The following DOK7 variants were observed in gnomAD, a reference collection of about 807,000 sequenced individuals.
DOK7 encodes protein Dok-7.
In DOK7, 32 loss-of-function variants were observed where a neutral mutation model predicts 30.7. That is an observed-to-expected ratio of 1.04 (90% confidence interval 0.79 to 1.40). The LOEUF (loss-of-function observed/expected upper bound fraction) is 1.40, where lower values mean the gene tolerates loss of function less well. DOK7 is among the 40% of genes most tolerant of loss of function. The pLI is 0.00. For synonymous variants in DOK7, 447 were observed against 324.1 expected (o/e 1.38, Z -4.07); for missense variants, 1,007 against 699.2 (o/e 1.44, Z -4.97).
rs557388706 is a variant in DOK7, at chr4:3,489,872, A to T, written c.772+76A>T. 5,583 of 1,528,940 alleles carry T rather than the reference A, an allele frequency of 3.7e-3. 19 individuals are homozygous for T. The highest frequency in any genetic ancestry group is 4.7e-3 in the South Asian group (391 of 83,270). The allele number at this position is 1,528,940 out of a possible 1,614,324, so 94.7% of individuals were successfully genotyped here. A position where few individuals can be genotyped will look rare whatever the true frequency, so the allele number is the denominator to read the frequency against. On this transcript the variant is annotated intron_variant, in intron 6 of 6. Transcript: ENST00000340083. Reference sequence around the variant, plus strand: ...AGGAGAGCTCAGGAGGCATCCATGCATGTGTGGGGGCTGCAGGCTCCCTCT... The same window carrying T: ...AGGAGAGCTCAGGAGGCATCCATGCTTGTGTGGGGGCTGCAGGCTCCCTCT...
rs768805841 is a variant in DOK7, at chr4:3,493,462, T to G, written c.1476T>G (p.Cys492Trp). 3.1e-6 allele frequency: 5 copies of G among 1,610,534 alleles called. No homozygotes were observed. The Admixed American group carries it at 5.0e-5, about 16-fold the overall frequency. The stretch of plus-strand genomic sequence containing the variant: ...CACCCCCGGCTTTCTTTTCGGCATG[T>G]CCAGTCTGTGGAGGACTCAAGGTAA... ...AGPPPAFFSA[C>W]PVCGGLKVNP... Residue 492 changes from cysteine (C) to tryptophan (W), a missense_variant, in exon 7 of 7, where the codon TGT becomes TGG. Physicochemically the swap from Cys to Trp is radical, Grantham distance 215. Transcript: ENST00000340083.
intron 2 of DOK7, among the ~76,000 whole-genome samples, chr4:3,471,379 C>A (rs1356954912): frequency 1.7e-4 from 26 of 152,198 alleles, no homozygotes; most frequent in Admixed American, 1.7e-3. Flanking sequence ...GGGGCCTTGC[C>A]CCTTAGGGGA....
intron 6 of DOK7, among the ~76,000 whole-genome samples, chr4:3,499,729 G>C (rs1729099316): frequency 6.6e-6 from 1 of 152,070 alleles, no homozygotes; most frequent in Non-Finnish European, 1.5e-5. Flanking sequence ...AGGGAGCGTG[G>C]GCCTGTGTGC....
chr4:3,484,844 G>A lies in DOK7; in HGVS notation c.533-695G>A, dbSNP rs1338258061. The A allele has an allele frequency of 3.0e-6, 3 of 985,470 alleles. No individual in the cohort carries two copies. In the East Asian group the frequency reaches 3.4e-4, roughly 112 times the overall value. 61.0% of individuals were successfully genotyped at this position (985,470 alleles called of 1,614,324 possible). On this transcript the variant is annotated intron_variant, in intron 4 of 6. Coordinates refer to ENST00000340083, the MANE Select transcript of DOK7 (RefSeq NM_173660.5). ...TGACGGCTGCAGCATGTGTGGGCAG[G>A]TGCCGTGCCACACCTTTTACAAACA...
intron 3 of DOK7, among the ~76,000 whole-genome samples, chr4:3,475,556 C>A (rs1727007572): frequency 6.6e-6 from 1 of 152,178 alleles, no homozygotes; most frequent in Admixed American, 6.5e-5. Context: ...GGGGCAGGGG[C>A]CTGGGCAGAG....
rs558973114 is a variant in DOK7 at position 3,485,383 on chromosome 4, C to T, written c.533-156C>T. ...GGGCACCCGGATTCACGGGGCCAGG[C>T]GGGGTGTCGGCTCTGGGCATCTGAC... is the stretch of plus-strand genomic sequence containing the variant. On this transcript the variant is annotated intron_variant, in intron 4 of 6. Transcript: ENST00000340083. 5.4e-5 allele frequency: 55 copies of T among 1,009,648 alleles called. No individual in the cohort carries two copies. The South Asian group carries it at 7.7e-4, about 14-fold the overall frequency. The allele number at this position is 1,009,648 out of a possible 1,614,324, so 62.5% of individuals were successfully genotyped here.
intron 4 of DOK7, among the ~76,000 whole-genome samples, chr4:3,482,797 G>A (rs1014918108): frequency 1.3e-5 from 2 of 152,204 alleles, no homozygotes; most frequent in Non-Finnish European, 2.9e-5. Context: ...ACCCAAGGCC[G>A]AGCACTGGGG....
rs376190589 is a variant in DOK7, at chr4:3,492,750, C to G, written c.773-9C>G. ...CCCACAACTGCCTTGGCTTCCTGCT[C>G]TGTCTCAGGGGATGACCGCAGCCTG... On this transcript the variant is annotated splice_polypyrimidine_tract_variant and intron_variant, in intron 6 of 6. Coordinates refer to ENST00000340083, the MANE Select transcript of DOK7 (RefSeq NM_173660.5). The G allele has an allele frequency of 1.8e-5, 29 of 1,612,320 alleles. 1 individual carries two copies. The highest frequency in any genetic ancestry group is 1.6e-4 in the Middle Eastern group (1 of 6,082).
At chr4:3,500,204 TG>T (rs372906636) in intron 6 of DOK7, 21 of 1,528,058 alleles carry the variant, frequency 1.4e-5, no homozygotes, top group Middle Eastern at 1.7e-4. Flanking sequence ...TTGAGATCTG[TG>T]CCCCTCTCGG....
chr4:3,486,835 G>A (rs1414807519), intron 5 of DOK7, among the ~76,000 whole-genome samples: 1 of 152,154 alleles, frequency 6.6e-6, no homozygotes, highest in African/African-American at 2.4e-5. Context: ...GCGAGGGTGT[G>A]CAGAGTGCAG....
chr4:3,497,094 T>TG (rs1728952051), downstream of DOK7, among the ~76,000 whole-genome samples: 1 of 112,734 alleles, frequency 8.9e-6, no homozygotes, highest in Admixed American at 9.4e-5. Context: ...CAGTGGGCAG[T>TG]GGGGGTGAGT....
chr4:3,481,928 G>C (rs1372569064), intron 4 of DOK7, among the ~76,000 whole-genome samples: 2 of 152,112 alleles, frequency 1.3e-5, no homozygotes, highest in African/African-American at 4.8e-5. Flanking sequence ...ACGTGGGTGA[G>C]GTTTGCCTGC....
At chr4:3,488,444 C>A (rs1033636864) in intron 5 of DOK7, among the ~76,000 whole-genome samples, 2 of 152,222 alleles carry the variant, frequency 1.3e-5, no homozygotes, top group African/African-American at 4.8e-5. Flanking sequence ...AGATGTGAAC[C>A]TGGACAGGGA....
At chr4:3,473,680 G>C (rs1226046198) in intron 3 of DOK7, 44 bp downstream of exon 3, 15 of 1,499,310 alleles carry the variant, frequency 1.0e-5, no homozygotes, top group Non-Finnish European at 1.3e-5. Flanking sequence ...CCCCGTTCAG[G>C]TGTGCCGGGG....
intron 4 of DOK7, among the ~76,000 whole-genome samples, chr4:3,483,536 C>T (rs947279590): frequency 3.9e-5 from 6 of 152,278 alleles, no homozygotes; most frequent in South Asian, 2.1e-4. Flanking sequence ...CGTGGGAGCC[C>T]GAGGCTGGCG....
At position 3,491,941 on chromosome 4, in the gene DOK7, A is replaced by G. The variant is rs138801660; in HGVS notation, c.773-818A>G. ...CTGGTCCGGCCAGTGCCCTCTGATC[A>G]CTGCTTGTCCCCCAGAGGGCACCAA... On this transcript the variant is annotated intron_variant, in intron 6 of 6. Transcript: ENST00000340083. Among the ~76,000 whole-genome samples the G allele has an allele frequency of 4.9e-3, 739 of 152,304 alleles. 5 individuals carry two copies. Among genetic ancestry groups the G allele is most frequent in the Non-Finnish European group, 8.6e-3 (582 of 68,012 alleles).
chr4:3,486,500 G>A (rs911853933), intron 5 of DOK7, among the ~76,000 whole-genome samples: 1 of 152,212 alleles, frequency 6.6e-6, no homozygotes, highest in African/African-American at 2.4e-5. Flanking sequence ...GCAGAGGCGA[G>A]CAGCATGTGG....
intron 6 of DOK7, among the ~76,000 whole-genome samples, chr4:3,492,030 G>C (rs950984500): frequency 2.6e-5 from 4 of 152,210 alleles, no homozygotes; most frequent in African/African-American, 9.6e-5. Context: ...TTTGCAATAA[G>C]CTTTTGCCTT....
chr4:3,489,668 C>A lies in DOK7; in HGVS notation c.653-9C>A. ...CCACCTCCTCCACCGAGTCTTCTCT[C>A]TGCCACAGACCCAAGTCCCCCGGGA... is the stretch of plus-strand genomic sequence containing the variant. On this transcript the variant is annotated splice_polypyrimidine_tract_variant and intron_variant, in intron 5 of 6. Coordinates refer to ENST00000340083, the MANE Select transcript of DOK7 (RefSeq NM_173660.5). 6.4e-7 allele frequency: 1 copy of A among 1,565,014 alleles called. No homozygotes were observed. The highest frequency in any genetic ancestry group is 2.4e-5 in the East Asian group (1 of 41,904).
Sources: gnomAD v4.1 joint callset for allele counts (sites outside exome capture counted in the v4.1 genomes callset) on GRCh38, gnomAD v4.1.1 for gene constraint, MANE v1.5 for transcripts, NCBI Gene and HGNC (gene_info 2026-07-23, HGNC 2026-07-21) for gene names.